Variants in TAS2R1 observed in about 807,000 individuals in gnomAD.
The protein encoded by TAS2R1 is taste receptor type 2 member 1.
For missense variants in TAS2R1, 370 were observed against 353.4 expected (o/e 1.05, Z -0.38); for synonymous variants, 141 against 134.2 (o/e 1.05, Z -0.35).
At chr5:9,715,245 C>T (rs1305545056), upstream of TAS2R1, among the ~76,000 whole-genome samples, 1 of 152,148 alleles carries the variant, frequency 6.6e-6, no homozygotes, top group Non-Finnish European at 1.5e-5. Context: ...GCTGCCTCTC[C>T]TATTCTGAAT....
At chr5:9,739,040 C>A in the TAS2R1 span, among the ~76,000 whole-genome samples, 1 of 152,272 alleles carries the variant, frequency 6.6e-6, no homozygotes, top group South Asian at 2.1e-4. Flanking sequence ...CTAGTACCTG[C>A]CTATTTCTAG....
chr5:9,783,714 A>T, the TAS2R1 span, among the ~76,000 whole-genome samples: 1 of 152,230 alleles, frequency 6.6e-6, no homozygotes, highest in Admixed American at 6.5e-5. Flanking sequence ...TAAAATGTGA[A>T]CACCAAAACT....
At chr5:9,665,197 G>T (rs532647835) in intron 1 of TAS2R1, among the ~76,000 whole-genome samples, 10 of 152,264 alleles carry the variant, frequency 6.6e-5, no homozygotes, top group African/African-American at 2.4e-4. Context: ...ACCTCCATCT[G>T]TGAGCAAGCC....
At chr5:9,781,909 T>A in the TAS2R1 span, among the ~76,000 whole-genome samples, 1 of 152,348 alleles carries the variant, frequency 6.6e-6, no homozygotes, top group African/African-American at 2.4e-5. Flanking sequence ...TTACCCCTAC[T>A]ATTCCATTGA....
intron 2 of TAS2R1, chr5:9,658,328 G>C (rs910807968): frequency 3.9e-5 from 6 of 152,188 alleles, no homozygotes; most frequent in African/African-American, 1.4e-4. Flanking sequence ...CACGCAGCCT[G>C]CAGTGGGATA....
chr5:9,752,479 G>A, the TAS2R1 span, among the ~76,000 whole-genome samples: 6 of 152,052 alleles, frequency 3.9e-5, no homozygotes, highest in Admixed American at 6.6e-5. Context: ...CTATCTGGCC[G>A]TCTAGCCTGA....
rs1158208931 is a variant in TAS2R1 at position 9,628,032 on chromosome 5, T to G, written c.*1101A>C. The stretch of plus-strand genomic sequence containing the variant: ...TCACGCCTGAACTACAAGTTACCGC[T>G]GAGCTTAAGAACATTTTTTACTTCA... On this transcript the variant is annotated 3_prime_UTR_variant, in exon 1 of 1. Coordinates refer to ENST00000382492, the MANE Select transcript of TAS2R1 (RefSeq NM_019599.3). Among the ~76,000 whole-genome samples, 1 of 152,216 alleles carries G rather than the reference T, an allele frequency of 6.6e-6. No homozygotes were observed. The highest frequency in any genetic ancestry group is 2.4e-5 in the African/African-American group (1 of 41,462).
At chr5:9,847,475 C>T in the TAS2R1 span, among the ~76,000 whole-genome samples, 1 of 152,212 alleles carries the variant, frequency 6.6e-6, no homozygotes, top group African/African-American at 2.4e-5. Context: ...TCACTAAATG[C>T]AGAACCTGAG....
the TAS2R1 span, among the ~76,000 whole-genome samples, chr5:9,841,498 A>T: frequency 1.3e-5 from 2 of 152,306 alleles, no homozygotes; most frequent in Admixed American, 6.5e-5. Context: ...TATTAAACTC[A>T]TATCATGAGT....
the TAS2R1 span, among the ~76,000 whole-genome samples, chr5:9,861,334 G>A: frequency 6.6e-6 from 1 of 152,160 alleles, no homozygotes; most frequent in South Asian, 2.1e-4. Context: ...AAGGCTTTAA[G>A]TCTCCTGCAT....
At chr5:9,709,181 T>TAA (rs1741681731) in intron 1 of TAS2R1, among the ~76,000 whole-genome samples, 1 of 136,610 alleles carries the variant, frequency 7.3e-6, no homozygotes, top group Non-Finnish European at 1.6e-5. Context: ...TCCTAGAACT[T>TAA]AAAGTAGAAA....
At chr5:9,737,423 T>C in the TAS2R1 span, among the ~76,000 whole-genome samples, 3 of 152,206 alleles carry the variant, frequency 2.0e-5, no homozygotes, top group Admixed American at 1.3e-4. Context: ...ATTATAACAA[T>C]GTCATAAAAT....
At chr5:9,897,941 T>G in the TAS2R1 span, among the ~76,000 whole-genome samples, 13 of 152,326 alleles carry the variant, frequency 8.5e-5, no homozygotes. Context: ...GCATCTTCAA[T>G]ACAGTCCCTC....
At chr5:9,752,482 T>C in the TAS2R1 span, among the ~76,000 whole-genome samples, 2 of 152,186 alleles carry the variant, frequency 1.3e-5, no homozygotes, top group African/African-American at 4.8e-5. Context: ...TCTGGCCGTC[T>C]AGCCTGAGGC....
At chr5:9,731,895 C>G in the TAS2R1 span, among the ~76,000 whole-genome samples, 2 of 152,206 alleles carry the variant, frequency 1.3e-5, no homozygotes, top group African/African-American at 4.8e-5. Flanking sequence ...GTAGCCAGCA[C>G]TTTCTTATTC....
At chr5:9,774,428 A>T in the TAS2R1 span, among the ~76,000 whole-genome samples, 1 of 152,222 alleles carries the variant, frequency 6.6e-6, no homozygotes, top group African/African-American at 2.4e-5. Context: ...ATCACTGATA[A>T]CCTTATTAAG....
At chr5:9,841,562 T>C in the TAS2R1 span, among the ~76,000 whole-genome samples, 3 of 152,228 alleles carry the variant, frequency 2.0e-5, no homozygotes, top group African/African-American at 7.2e-5. Flanking sequence ...TAACTCTGTT[T>C]TATAAATTTC....
chr5:9,900,892 G>C, the TAS2R1 span, among the ~76,000 whole-genome samples: 1 of 152,264 alleles, frequency 6.6e-6, no homozygotes, highest in South Asian at 2.1e-4. Context: ...TGCTCAAACG[G>C]ATTTAATTTG....
At chr5:9,709,485 T>C (rs1741688687) in intron 1 of TAS2R1, among the ~76,000 whole-genome samples, 1 of 152,136 alleles carries the variant, frequency 6.6e-6, no homozygotes, top group Non-Finnish European at 1.5e-5. Context: ...CTCCTTGCAT[T>C]TATACCCTTA....
Sources: gnomAD v4.1 joint callset for allele counts (sites outside exome capture counted in the v4.1 genomes callset) on GRCh38, gnomAD v4.1.1 for gene constraint, MANE v1.5 for transcripts, NCBI Gene and HGNC (gene_info 2026-07-23, HGNC 2026-07-21) for gene names.